SUMF1: variants seen among roughly 807,000 people sequenced by gnomAD.
SUMF1 encodes formylglycine-generating enzyme.
Under a neutral mutation model 47.6 loss-of-function variants are expected in SUMF1, and 48 were observed. The ratio of observed to expected loss-of-function variants is 1.01; its 90% CI spans 0.80 to 1.28. The LOEUF is 1.28. Among genes scored for constraint, SUMF1 ranks in the 50% most tolerant of loss-of-function variants. SUMF1 has a pLI of 0.00. For synonymous variants in SUMF1, 230 were observed against 192.1 expected (o/e 1.20, Z -1.63); for missense variants, 571 against 485.4 (o/e 1.18, Z -1.66).
chr3:4,155,605 A>G (rs1694435077), intron 8 of SUMF1, among the ~76,000 whole-genome samples: 1 of 151,378 alleles, frequency 6.6e-6, no homozygotes, highest in African/African-American at 2.5e-5. Flanking sequence ...TTCTCTTCAG[A>G]TCAGTTCTAT....
At chr3:4,341,133 A>G (rs1255711432) in intron 8 of SUMF1, among the ~76,000 whole-genome samples, 1 of 152,210 alleles carries the variant, frequency 6.6e-6, no homozygotes, top group African/African-American at 2.4e-5. Flanking sequence ...AAAAGTAACA[A>G]AAAACATCAC....
chr3:4,283,361 T>G (rs1020071583), intron 8 of SUMF1, among the ~76,000 whole-genome samples: 1 of 152,212 alleles, frequency 6.6e-6, no homozygotes, highest in African/African-American at 2.4e-5. Context: ...TGGCAGTCTG[T>G]GGGATAAACT....
At chr3:4,439,808 G>A (rs1023770174) in intron 3 of SUMF1, among the ~76,000 whole-genome samples, 6 of 151,190 alleles carry the variant, frequency 4.0e-5, no homozygotes, top group Non-Finnish European at 7.4e-5. Flanking sequence ...GCAATCCTCC[G>A]ACGTCAACCT....
At position 4,208,346 on chromosome 3, in the gene SUMF1, C is replaced by T. The variant is rs541906158; in HGVS notation, c.1015-139601G>A. Among the ~76,000 whole-genome samples, 26 of 151,880 alleles carry T rather than the reference C, an allele frequency of 1.7e-4. 1 individual carries two copies. In the South Asian group the frequency reaches 5.2e-3, roughly 30 times the overall value. The stretch of plus-strand genomic sequence containing the variant: ...AAAAGACTGAAACCTACTCATAGGA[C>T]TAATGTTTTCCCTCCCTATAAAACT... On this transcript the variant is annotated intron_variant and NMD_transcript_variant, in intron 8 of 12. Transcript: ENST00000448413.
At chr3:4,336,696 C>T (rs1699160308) in intron 8 of SUMF1, among the ~76,000 whole-genome samples, 1 of 152,182 alleles carries the variant, frequency 6.6e-6, no homozygotes, top group Non-Finnish European at 1.5e-5. Context: ...TATTACTCAT[C>T]CAAATATCAC....
At chr3:4,184,425 C>T (rs140540201) in intron 8 of SUMF1, among the ~76,000 whole-genome samples, 4 of 151,734 alleles carry the variant, frequency 2.6e-5, no homozygotes, top group Non-Finnish European at 5.9e-5. Flanking sequence ...TGCTGCACTC[C>T]AGCCTGGGCG....
chr3:4,439,105 T>C (rs793393), intron 3 of SUMF1, among the ~76,000 whole-genome samples: 37,073 of 152,194 alleles, frequency 0.24, 5,243 homozygotes, highest in Non-Finnish European at 0.31. Context: ...AAAACTACTA[T>C]AACACTTGTG....
At chr3:4,139,378 C>A (rs1466275744) in intron 8 of SUMF1, among the ~76,000 whole-genome samples, 1 of 151,512 alleles carries the variant, frequency 6.6e-6, no homozygotes, top group South Asian at 2.1e-4. Context: ...TATAAGAATT[C>A]AGAAAAAAAT....
intron 8 of SUMF1, among the ~76,000 whole-genome samples, chr3:4,206,837 G>C (rs989006225): frequency 6.6e-6 from 1 of 151,640 alleles, no homozygotes; most frequent in Non-Finnish European, 1.5e-5. Context: ...GTTTATTCTA[G>C]GTACTCTGCA....
intron 8 of SUMF1, among the ~76,000 whole-genome samples, chr3:4,136,537 A>T (rs1398329418): frequency 6.6e-6 from 1 of 151,988 alleles, no homozygotes. Flanking sequence ...AACCTAGGCA[A>T]TACCATTCAG....
chr3:4,402,576 T>C (rs142219539), intron 7 of SUMF1, among the ~76,000 whole-genome samples: 1 of 152,344 alleles, frequency 6.6e-6, no homozygotes, highest in Non-Finnish European at 1.5e-5. Context: ...TACAGGGCTT[T>C]GCCTTGGGCC....
intron 8 of SUMF1, among the ~76,000 whole-genome samples, chr3:4,109,957 G>A (rs139016121): frequency 0.05 from 7,661 of 152,140 alleles, 538 homozygotes; most frequent in East Asian, 0.16. Flanking sequence ...GCTTTGGTCC[G>A]TTGCTGGTGA....
intron 8 of SUMF1, among the ~76,000 whole-genome samples, chr3:4,349,355 G>A (rs1292435695): frequency 1.3e-5 from 2 of 152,214 alleles, no homozygotes; most frequent in Non-Finnish European, 1.5e-5. Context: ...TGAGGCTGTG[G>A]AGAAGTAGGA....
At chr3:4,431,872 T>C (rs554484225) in intron 3 of SUMF1, among the ~76,000 whole-genome samples, 1 of 152,232 alleles carries the variant, frequency 6.6e-6, no homozygotes, top group South Asian at 2.1e-4. Context: ...GTGTCTTGAT[T>C]TGGACAATAA....
intron 8 of SUMF1, among the ~76,000 whole-genome samples, chr3:4,258,939 AAGG>A: frequency 6.9e-6 from 1 of 145,550 alleles, no homozygotes; most frequent in African/African-American, 2.6e-5. Context: ...AGCCATAAAA[AAGG>A]ATGAGTTCAT....
intron 8 of SUMF1, among the ~76,000 whole-genome samples, chr3:4,184,224 G>T (rs999443435): frequency 6.6e-6 from 1 of 151,966 alleles, no homozygotes; most frequent in South Asian, 2.1e-4. Context: ...TGGAGGCTGA[G>T]GTGGGCAGAT....
At chr3:4,241,799 G>A (rs1159676945) in intron 8 of SUMF1, among the ~76,000 whole-genome samples, 4 of 152,110 alleles carry the variant, frequency 2.6e-5, no homozygotes, top group African/African-American at 4.8e-5. Context: ...GCAACCAAAT[G>A]GGACTTCCGG....
chr3:4,102,341 G>C (rs566791525), intron 8 of SUMF1, among the ~76,000 whole-genome samples: 2 of 152,230 alleles, frequency 1.3e-5, no homozygotes, highest in Non-Finnish European at 2.9e-5. Flanking sequence ...AAACAGGTTA[G>C]TGCCAAAATG....
chr3:4,392,036 A>G (rs565251258), intron 7 of SUMF1, among the ~76,000 whole-genome samples: 3 of 152,048 alleles, frequency 2.0e-5, no homozygotes, highest in African/African-American at 7.2e-5. Flanking sequence ...CCATGTTACC[A>G]GGGTTGGTCT....
Sources: allele counts gnomAD v4.1 joint callset (sites outside exome capture counted in the v4.1 genomes callset), GRCh38; gene constraint gnomAD v4.1.1; transcripts MANE v1.5; gene names NCBI Gene and HGNC (gene_info 2026-07-23, HGNC 2026-07-21).